ETV5: variants seen among roughly 807,000 people sequenced by gnomAD.
ETV5 encodes the protein ETS variant transcription factor 5, also known as ETS translocation variant 5.
In ETV5, 10 loss-of-function variants were observed where a neutral mutation model predicts 70.0. The observed-to-expected ratio is 0.14, with a 90% CI of 0.09 to 0.24. The LOEUF (loss-of-function observed/expected upper bound fraction) is 0.24. ETV5 is among the 10% of genes least tolerant of loss of function. The pLI, the probability that ETV5 is intolerant of heterozygous loss-of-function variation, is 1.00. For missense variants in ETV5, 453 were observed against 651.2 expected (o/e 0.70, Z 3.31); for synonymous variants, 216 against 242.2 (o/e 0.89, Z 1.01).
At chr3:186,069,883 T>C (rs1215482968) in intron 7 of ETV5, among the ~76,000 whole-genome samples, 1 of 152,190 alleles carries the variant, frequency 6.6e-6, no homozygotes, top group African/African-American at 2.4e-5. Context: ...CTCGGCTCAC[T>C]GCAACCTCCA....
chr3:186,071,170 G>A (rs1393051120), intron 7 of ETV5, among the ~76,000 whole-genome samples: 2 of 151,546 alleles, frequency 1.3e-5, no homozygotes, highest in Non-Finnish European at 2.9e-5. Context: ...TCTGCTGCCA[G>A]CACACAGAGT....
In ETV5 at chr3:186,048,733, G is replaced by A; in HGVS notation, c.1439C>T (p.Thr480Ile). Residue 480 changes from threonine to isoleucine, a missense_variant, in exon 13 of 13, where the codon ACC (threonine) becomes ATC (isoleucine). Physicochemically the swap from Thr to Ile is moderately conservative, Grantham distance 89. Coordinates refer to ENST00000306376, the MANE Select transcript of ETV5 (RefSeq NM_004454.3). The stretch of plus-strand genomic sequence containing the variant: ...GTCTTCAAAGTGGGTCAGCGGCAGG[G>A]TGTCCTCCTCGCTGAGGTGGCACTC... ...ESECHLSEED[T>I]LPLTHFEDSP... The A allele has an allele frequency of 6.2e-7, 1 of 1,614,164 alleles. No homozygotes were observed. Among genetic ancestry groups the A allele is most frequent in the Non-Finnish European group, 8.5e-7 (1 of 1,180,028 alleles).
At chr3:186,079,203 A>G in intron 7 of ETV5, 1 of 562,170 alleles carries the variant, frequency 1.8e-6, no homozygotes, top group Admixed American at 5.6e-5. Flanking sequence ...TGTGCAGAGA[A>G]GGTTCCCTTC....
At chr3:186,079,742 C>T in intron 7 of ETV5, 75 bp downstream of exon 7, 1 of 1,480,192 alleles carries the variant, frequency 6.8e-7, no homozygotes, top group African/African-American at 1.4e-5. Context: ...ATAAGACAAA[C>T]TGCTTCCCCT....
At chr3:186,085,347 C>A (rs2150150777) in intron 5 of ETV5, among the ~76,000 whole-genome samples, 1 of 152,194 alleles carries the variant, frequency 6.6e-6, no homozygotes, top group East Asian at 1.9e-4. Flanking sequence ...GCTGTATCCT[C>A]ATGTTTACCC....
intron 5 of ETV5, among the ~76,000 whole-genome samples, chr3:186,090,249 G>C (rs975740550): frequency 7.9e-5 from 12 of 152,182 alleles, no homozygotes; most frequent in African/African-American, 2.4e-4. Flanking sequence ...TGGGAATCTA[G>C]CCTTACACAA....
At chr3:186,088,922 G>C (rs1714119313) in intron 5 of ETV5, among the ~76,000 whole-genome samples, 1 of 152,184 alleles carries the variant, frequency 6.6e-6, no homozygotes, top group South Asian at 2.1e-4. Flanking sequence ...GATGTAGATA[G>C]GGTAAGACTT....
In ETV5 at chr3:186,066,064, C is replaced by T. The variant is rs59502066; in HGVS notation, c.659G>A (p.Arg220Lys). Residue 220 changes from arginine (R) to lysine (K), a missense_variant, in exon 8 of 13, where the codon AGA becomes AAA. By Grantham distance (26) the Arg-to-Lys change is conservative (BLOSUM62 2). Transcript: ENST00000306376. ...NQYPSEQRFQRQLSEPCHPFP... is the reference protein window; with the variant it reads ...NQYPSEQRFQKQLSEPCHPFP... ...GGGGTGGCAGGGTTCAGACAGTTGTCTCTGAAATCTGTAAGAAGAAAGAGG... is the reference window on the plus strand; with the variant it reads ...GGGGTGGCAGGGTTCAGACAGTTGTTTCTGAAATCTGTAAGAAGAAAGAGG... 2.5e-6 allele frequency: 4 copies of T among 1,576,272 alleles called. No individual in the cohort carries two copies. In the African/African-American group the frequency reaches 4.1e-5, roughly 16 times the overall value.
Position 186,108,634 on chromosome 3 carries a change from C to T in ETV5, c.-75+306G>A, listed in dbSNP as rs1021339069. The T allele has an allele frequency of 3.4e-6, 4 of 1,170,304 alleles. No individual in the cohort carries two copies. The Admixed American group carries it at 1.5e-4, about 45-fold the overall frequency. 72.5% of individuals were successfully genotyped at this position (1,170,304 alleles called of 1,614,324 possible). On this transcript the variant is annotated intron_variant, in intron 1 of 12. Coordinates refer to ENST00000306376, the MANE Select transcript of ETV5 (RefSeq NM_004454.3). ...AGAGACTGTGAAAGCCTCGCAACTC[C>T]GCGATCCCCCATCCACTCGGGAGCC...
intron 12 of ETV5, among the ~76,000 whole-genome samples, chr3:186,050,452 T>G (rs1712999995): frequency 6.6e-6 from 1 of 152,194 alleles, no homozygotes. Context: ...ATAATGGCTC[T>G]CCCACCTGAA....
At position 186,047,493 on chromosome 3, in the gene ETV5, T is replaced by C. The variant is rs1041839688; in HGVS notation, c.*1146A>G. On this transcript the variant is annotated 3_prime_UTR_variant, in exon 13 of 13. Coordinates refer to ENST00000306376, the MANE Select transcript of ETV5 (RefSeq NM_004454.3). ...CAGGTGACCAGGTTTCCAAAGGACA[T>C]GACACATGTTATATACATATGCTTT... 1.3e-5 allele frequency: 3 copies of C among 232,162 alleles called. No individual in the cohort carries two copies. Among genetic ancestry groups the C allele is most frequent in the African/African-American group, 6.6e-5 (3 of 45,264 alleles). 14.4% of individuals were successfully genotyped at this position (232,162 alleles called of 1,614,324 possible).
chr3:186,106,016 T>C, intron 1 of ETV5, 74 bp from the exon 2 acceptor site: 1 of 1,097,152 alleles, frequency 9.1e-7, no homozygotes, highest in East Asian at 2.6e-5. Context: ...GACTGCCTTT[T>C]TTTTAGGGCC....
chr3:186,105,106 T>G lies in ETV5; in HGVS notation c.232+199A>C. 2.0e-6 allele frequency: 1 copy of G among 501,326 alleles called. No homozygotes were observed. Among genetic ancestry groups the G allele is most frequent in the Non-Finnish European group, 3.5e-6 (1 of 287,940 alleles). 31.1% of individuals were successfully genotyped at this position (501,326 alleles called of 1,614,324 possible). A position where few individuals can be genotyped will look rare whatever the true frequency, so the allele number is the denominator to read the frequency against. On this transcript the variant is annotated intron_variant, in intron 5 of 12. Transcript: ENST00000306376. The surrounding 1 kb of genome is among the most constrained non-coding windows in gnomAD (Gnocchi z 4.5). ...AAAATTATGTTCAGTAAATCTTACC[T>G]GCAATACAGTAGAAATACTTTAGAA...
chr3:186,064,347 A>C, intron 9 of ETV5, 70 bp downstream of exon 9: 1 of 1,453,518 alleles, frequency 6.9e-7, no homozygotes, highest in Non-Finnish European at 9.7e-7. Flanking sequence ...GGAGAAAGAA[A>C]AGCCGAGAGA....
chr3:186,048,799 G>C lies in ETV5; in HGVS notation c.1373C>G (p.Ala458Gly). The change falls in exon 13 of 13, where the codon GCT becomes GGT. Residue 458 changes from alanine to glycine, a missense_variant. Physicochemically the swap from Ala to Gly is moderately conservative, Grantham distance 60. Coordinates refer to ENST00000306376, the MANE Select transcript of ETV5 (RefSeq NM_004454.3). ...VCDPDALFSM[A>G]FPDNQRPFLK... ...GAACGGACGCTGGTTATCCGGGAAA[G>C]CCATGGAGAAGAGGGCATCTGGGTC... The C allele has an allele frequency of 6.2e-7, 1 of 1,614,158 alleles. No homozygotes were observed. The highest frequency in any genetic ancestry group is 8.5e-7 in the Non-Finnish European group (1 of 1,180,018).
intron 5 of ETV5, among the ~76,000 whole-genome samples, chr3:186,082,840 C>T (rs1356047634): frequency 6.6e-6 from 1 of 152,242 alleles, no homozygotes; most frequent in Non-Finnish European, 1.5e-5. Context: ...AGACAGATGA[C>T]TCTATCACAG....
At chr3:186,065,658 A>G (rs1353080355) in intron 8 of ETV5, among the ~76,000 whole-genome samples, 155 bp downstream of exon 8, 2 of 152,166 alleles carry the variant, frequency 1.3e-5, no homozygotes, top group Non-Finnish European at 2.9e-5. Context: ...TGTCAGCTCT[A>G]CTAGCTCCTA....
At position 186,046,357 on chromosome 3, in the gene ETV5, A is replaced by G. The variant is rs1015501896; in HGVS notation, c.*2282T>C. On this transcript the variant is annotated 3_prime_UTR_variant, in exon 13 of 13. Transcript: ENST00000306376. The stretch of plus-strand genomic sequence containing the variant: ...CAAACTTCTTTATTGTACACAGTAC[A>G]GAATATAACGCAGCTTGGCAGGATG... 1 of 221,720 alleles carries G rather than the reference A, an allele frequency of 4.5e-6. No homozygotes were observed. The highest frequency in any genetic ancestry group is 9.0e-6 in the Non-Finnish European group (1 of 110,530). The allele number at this position is 221,720 out of a possible 1,614,324, so 13.7% of individuals were successfully genotyped here.
At position 186,051,268 on chromosome 3, in the gene ETV5, G is replaced by A. The variant is rs76692712; in HGVS notation, c.1311+762C>T. Among the ~76,000 whole-genome samples the A allele has an allele frequency of 3.2e-3, 482 of 152,322 alleles. 1 individual carries two copies. Among genetic ancestry groups the A allele is most frequent in the Non-Finnish European group, 5.0e-3 (343 of 68,030 alleles). On this transcript the variant is annotated intron_variant, in intron 12 of 12. Coordinates refer to ENST00000306376, the MANE Select transcript of ETV5 (RefSeq NM_004454.3). ...TCAGCAGTTTTGCCCATATGCTTCT[G>A]CCACGTTCATCTTATTGGCTACTGC...
Sources: gnomAD v4.1 joint callset for allele counts (sites outside exome capture counted in the v4.1 genomes callset) on GRCh38, gnomAD v4.1.1 for gene constraint, Gnocchi (gnomAD v3.1) non-coding constraint, MANE v1.5 for transcripts, NCBI Gene and HGNC (gene_info 2026-07-23, HGNC 2026-07-21) for gene names.